The following PSEN1 variants were observed in gnomAD, a reference collection of about 807,000 sequenced individuals.
The protein encoded by PSEN1 is presenilin 1.
Under a neutral mutation model 53.5 loss-of-function variants are expected in PSEN1, and 15 were observed. That is an observed-to-expected ratio of 0.28 (90% CI 0.19 to 0.43). PSEN1 has a LOEUF of 0.43. PSEN1 is among the 20% of genes least tolerant of loss of function. PSEN1 has a pLI of 1.00. For synonymous variants in PSEN1, 208 were observed against 209.8 expected, an observed-to-expected ratio of 0.99 and a Z score of 0.08; for missense variants, 387 against 571.2, an observed-to-expected ratio of 0.68 and a Z score of 3.29.
At chr14:73,157,006 T>C (rs977901480) in intron 3 of PSEN1, among the ~76,000 whole-genome samples, 4 of 151,904 alleles carry the variant, frequency 2.6e-5, no homozygotes, top group African/African-American at 4.8e-5. Context: ...CATGCTTAAG[T>C]CATCATTCTC....
intron 4 of PSEN1, among the ~76,000 whole-genome samples, chr14:73,172,085 T>C (rs1211692626): frequency 6.6e-6 from 1 of 152,158 alleles, no homozygotes; most frequent in Non-Finnish European, 1.5e-5. Context: ...AAACGAATTG[T>C]TAATTGAAAG....
chr14:73,158,056 A>C (rs79252718), intron 3 of PSEN1, among the ~76,000 whole-genome samples: 3,061 of 151,602 alleles, frequency 0.02, 47 homozygotes, highest in Non-Finnish European at 0.03. Context: ...AAATTCGTCC[A>C]TGTTATGTGG....
intron 8 of PSEN1, among the ~76,000 whole-genome samples, chr14:73,204,892 A>T (rs906728110): frequency 6.6e-6 from 1 of 152,102 alleles, no homozygotes; most frequent in Non-Finnish European, 1.5e-5. Flanking sequence ...AAGATAAAAA[A>T]CTAATCCATA....
At chr14:73,219,044 A>G (rs527534196) in intron 11 of PSEN1, 90 bp from the exon 12 acceptor site, 11 of 1,352,330 alleles carry the variant, frequency 8.1e-6, no homozygotes, top group Admixed American at 3.4e-5. Context: ...TCAGTTAACT[A>G]TGTTAAAAAC....
At position 73,156,788 on chromosome 14, in the gene PSEN1, GA is replaced by G. The variant is rs1422528505; in HGVS notation, c.87+8683del. On this transcript the variant is annotated intron_variant, in intron 3 of 11. Transcript: ENST00000324501. ...CGCCATTCTCCTGCCTCAGCCTCCA[GA>G]GTAGCTGCGACTACAGGCGTCCGCC... 6.6e-5 allele frequency among the ~76,000 whole-genome samples: 10 copies of G among 151,944 alleles called. No homozygotes were observed. The East Asian group carries it at 1.9e-3, about 30-fold the overall frequency.
At position 73,211,900 on chromosome 14, in the gene PSEN1, G is replaced by A. The variant is rs996227958; in HGVS notation, c.1087G>A (p.Glu363Lys). The change falls in exon 10 of 12, where the codon GAA (glutamate) becomes AAA (lysine). Residue 363 changes from glutamate to lysine, a missense_variant. Transcript: ENST00000324501. Reference protein sequence around the residue: ...STPESRAAVQELSSSILAGED... With the variant: ...STPESRAAVQKLSSSILAGED... ...ACCTGAGTCACGAGCTGCTGTCCAG[G>A]AACTTTCCAGCAGTATCCTCGCTGG... The A allele has an allele frequency of 2.5e-6, 4 of 1,613,836 alleles. No individual in the cohort carries two copies. The highest frequency in any genetic ancestry group is 3.4e-6 in the Non-Finnish European group (4 of 1,179,982).
intron 3 of PSEN1, among the ~76,000 whole-genome samples, chr14:73,151,078 CA>C (rs1183297894): frequency 5.4e-5 from 8 of 149,320 alleles, no homozygotes; most frequent in South Asian, 2.1e-4. Context: ...AAAAAAAAAA[CA>C]AAAAAAAACT....
At chr14:73,194,342 C>G (rs549975849) in intron 7 of PSEN1, among the ~76,000 whole-genome samples, 1 of 152,004 alleles carries the variant, frequency 6.6e-6, no homozygotes, top group East Asian at 1.9e-4. Context: ...GCCTCAAACC[C>G]TTGTCCTGGG....
At position 73,184,306 on chromosome 14, in the gene PSEN1, C is replaced by A. The variant is rs866393174; in HGVS notation, c.481-2547C>A. On this transcript the variant is annotated intron_variant, in intron 5 of 11. Coordinates refer to ENST00000324501, the MANE Select transcript of PSEN1 (RefSeq NM_000021.4). Reference sequence around the variant, plus strand: ...GCGGCTGGCCGGGCGGGGGGCTGACCCCCCCACCTCCCTCCCGGACGGGGC... The same window carrying A: ...GCGGCTGGCCGGGCGGGGGGCTGACACCCCCACCTCCCTCCCGGACGGGGC... Among the ~76,000 whole-genome samples, 323 of 98,382 alleles carry A rather than the reference C, an allele frequency of 3.3e-3. 1 individual carries two copies. Among genetic ancestry groups the A allele is most frequent in the African/African-American group, 6.9e-3 (151 of 21,928 alleles). The allele number at this position is 98,382 out of a possible 152,430, so 64.5% of individuals were successfully genotyped here. A position where few individuals can be genotyped will look rare whatever the true frequency, so the allele number is the denominator to read the frequency against.
intron 9 of PSEN1, among the ~76,000 whole-genome samples, chr14:73,209,521 C>T (rs1899594777): frequency 6.6e-6 from 1 of 152,138 alleles, no homozygotes; most frequent in Admixed American, 6.5e-5. Context: ...GACTGAGCAC[C>T]TGACTATGTG....
intron 10 of PSEN1, among the ~76,000 whole-genome samples, chr14:73,213,172 T>C (rs1899771271): frequency 6.6e-6 from 1 of 152,200 alleles, no homozygotes; most frequent in Admixed American, 6.5e-5. Context: ...ATCTGCCTGC[T>C]CTTACAGCAG....
Position 73,219,326 on chromosome 14 carries a change from TTGACTATAACAA to T in PSEN1, c.*38_*49del. 1 of 1,589,236 alleles carries T rather than the reference TTGACTATAACAA, an allele frequency of 6.3e-7. No individual in the cohort carries two copies. The highest frequency in any genetic ancestry group is 1.7e-4 in the Middle Eastern group (1 of 6,014). ...TTAGAATCCCATGGATGTTTCTTCT[TTGACTATAACAA>T]AATCTGGGGAGGACAAAGGTGATTT... is the stretch of plus-strand genomic sequence containing the variant. On this transcript the variant is annotated 3_prime_UTR_variant, in exon 12 of 12. Transcript: ENST00000324501.
At chr14:73,194,187 T>C (rs1181919322) in intron 7 of PSEN1, among the ~76,000 whole-genome samples, 2 of 152,132 alleles carry the variant, frequency 1.3e-5, no homozygotes, top group African/African-American at 4.8e-5. Context: ...AGAGATCCAT[T>C]TTCAGAGATT....
intron 1 of PSEN1, among the ~76,000 whole-genome samples, chr14:73,144,509 A>G (rs1897015521): frequency 6.6e-6 from 1 of 152,202 alleles, no homozygotes; most frequent in Non-Finnish European, 1.5e-5. Context: ...AAATACCGTA[A>G]TCCTCATTGC....
At chr14:73,138,602 C>T (rs186306182) in intron 1 of PSEN1, among the ~76,000 whole-genome samples, 2 of 152,014 alleles carry the variant, frequency 1.3e-5, no homozygotes, top group East Asian at 3.9e-4. Flanking sequence ...ATCCTCCCGC[C>T]TTGGCCTCCC....
chr14:73,153,043 C>G (rs1312214934), intron 3 of PSEN1, among the ~76,000 whole-genome samples: 1 of 152,146 alleles, frequency 6.6e-6, no homozygotes, highest in African/African-American at 2.4e-5. Flanking sequence ...AAGTGATACC[C>G]TGTCTCAAAT....
At chr14:73,170,620 A>G (rs1396604669) in intron 3 of PSEN1, among the ~76,000 whole-genome samples, 177 bp from the exon 4 acceptor site, 3 of 152,244 alleles carry the variant, frequency 2.0e-5, no homozygotes, top group Non-Finnish European at 4.4e-5. Context: ...GAATGCCTTC[A>G]GTGAACAATG....
intron 9 of PSEN1, 112 bp from the exon 10 acceptor site, chr14:73,211,657 G>T: frequency 6.8e-6 from 8 of 1,178,604 alleles, no homozygotes; most frequent in Non-Finnish European, 9.9e-6. Context: ...ATGCTTTGTG[G>T]TTTAAGGGCC....
At chr14:73,207,937 G>A (rs1354528497) in intron 9 of PSEN1, among the ~76,000 whole-genome samples, 1 of 152,228 alleles carries the variant, frequency 6.6e-6, no homozygotes, top group Non-Finnish European at 1.5e-5. Context: ...CATTACCTAA[G>A]CAGCTTTGAC....
Sources: gnomAD v4.1 joint callset for allele counts (sites outside exome capture counted in the v4.1 genomes callset) on GRCh38, gnomAD v4.1.1 for gene constraint, MANE v1.5 for transcripts, NCBI Gene and HGNC (gene_info 2026-07-23, HGNC 2026-07-21) for gene names.